DOCK2: variants seen among roughly 807,000 people sequenced by gnomAD.
DOCK2 encodes the protein dedicator of cytokinesis 2.
A neutral mutation model predicts 248.9 loss-of-function variants in DOCK2; 87 were observed. The observed-to-expected ratio is 0.35, with a 90% CI of 0.29 to 0.42. The LOEUF (loss-of-function observed/expected upper bound fraction) is 0.42, where lower values mean the gene tolerates loss of function less well. Ranked by LOEUF, DOCK2 falls within the 10% of genes least tolerant of loss-of-function variation. The pLI is 1.00. For synonymous variants in DOCK2, 805 were observed against 821.6 expected, an observed-to-expected ratio of 0.98 and a Z score of 0.35; for missense variants, 1,747 against 2,300.2, an observed-to-expected ratio of 0.76 and a Z score of 4.92.
In DOCK2 at chr5:169,714,407, C is replaced by G; in HGVS notation, c.1891C>G (p.Gln631Glu). The change falls in exon 19 of 52, where the codon CAG becomes GAG. Residue 631 changes from glutamine to glutamate, a missense_variant. By Grantham distance (29) the Gln-to-Glu change is conservative (BLOSUM62 2). Coordinates refer to ENST00000520908, the MANE Select transcript of DOCK2 (RefSeq NM_004946.3). ...GTGGCGTATGAAGCCTCAACTGCTA[C>G]AGGAGAATTTAGAAAAGTTGAAGAT... ...LKWRMKPQLL[Q>E]ENLEKLKIVD... The G allele has an allele frequency of 1.2e-6, 2 of 1,614,048 alleles. No homozygotes were observed. Among genetic ancestry groups the G allele is most frequent in the Non-Finnish European group, 1.7e-6 (2 of 1,179,974 alleles).
chr5:169,810,370 G>A (rs77670816), intron 26 of DOCK2, among the ~76,000 whole-genome samples: 2,430 of 152,202 alleles, frequency 0.016, 72 homozygotes, highest in African/African-American at 0.054. Context: ...GTGTATATGC[G>A]TGTGCATTTT....
intron 27 of DOCK2, among the ~76,000 whole-genome samples, chr5:169,889,340 G>A (rs926897728): frequency 2.0e-5 from 3 of 151,966 alleles, no homozygotes; most frequent in Admixed American, 6.6e-5. Context: ...GCTTTAATTT[G>A]GTTAAACTTT....
chr5:169,955,991 C>T (rs1181788829), intron 27 of DOCK2, among the ~76,000 whole-genome samples: 1 of 150,874 alleles, frequency 6.6e-6, no homozygotes, highest in Non-Finnish European at 1.5e-5. Context: ...GGGTGTGGCT[C>T]TGGAGCTCAG....
chr5:169,809,632 T>C (rs757626373), intron 26 of DOCK2, among the ~76,000 whole-genome samples: 1 of 152,122 alleles, frequency 6.6e-6, no homozygotes, highest in African/African-American at 2.4e-5. Flanking sequence ...CTCAGGGAGC[T>C]TCCCTGAGCC....
At chr5:169,753,281 G>A (rs1764000098) in intron 23 of DOCK2, among the ~76,000 whole-genome samples, 1 of 152,012 alleles carries the variant, frequency 6.6e-6, no homozygotes, top group African/African-American at 2.4e-5. Context: ...GTGGTTTGCT[G>A]CACCTATCAA....
chr5:169,888,969 G>A (rs1174648742), intron 27 of DOCK2, among the ~76,000 whole-genome samples: 1 of 152,142 alleles, frequency 6.6e-6, no homozygotes, highest in Non-Finnish European at 1.5e-5. Flanking sequence ...TGTGTCTTTA[G>A]CATTGTGCTT....
rs79550508 is a variant in DOCK2, at chr5:169,948,391, C to T, written c.2800-34677C>T. Among the ~76,000 whole-genome samples the T allele has an allele frequency of 9.6e-4, 146 of 152,086 alleles. 4 individuals are homozygous for T. The East Asian group carries it at 0.026, about 27-fold the overall frequency. On this transcript the variant is annotated intron_variant, in intron 27 of 51. Transcript: ENST00000520908. ...GGTAGGGGGAGAATGATTATTTGCA[C>T]CTTTCTCTGTTTTTTCATACCCATT... is the stretch of plus-strand genomic sequence containing the variant.
rs767627447 is a variant in DOCK2, at chr5:169,674,328, A to G, written c.353A>G (p.Gln118Arg). 1.1e-5 allele frequency: 18 copies of G among 1,614,020 alleles called. No homozygotes were observed. In the South Asian group the frequency reaches 1.6e-4, roughly 15 times the overall value. ...ASKKERFLQV[Q>R]SMMYDLMEWR... ...AAAAAGGAGCGTTTTCTCCAGGTGCAGTCCATGATGTACGATCTGATGGAG... is the reference window on the plus strand; with the variant it reads ...AAAAAGGAGCGTTTTCTCCAGGTGCGGTCCATGATGTACGATCTGATGGAG... Residue 118 changes from glutamine to arginine, a missense_variant, in exon 6 of 52, where the codon CAG becomes CGG. Coordinates refer to ENST00000520908, the MANE Select transcript of DOCK2 (RefSeq NM_004946.3).
chr5:170,040,837 A>G (rs1756490614), intron 36 of DOCK2: 9 of 488,870 alleles, frequency 1.8e-5, no homozygotes, highest in Admixed American at 3.3e-5. Context: ...AAGTAATCTA[A>G]GAAATTTAAA....
chr5:169,992,000 A>G (rs1778221137), intron 29 of DOCK2, among the ~76,000 whole-genome samples: 1 of 152,228 alleles, frequency 6.6e-6, no homozygotes, highest in African/African-American at 2.4e-5. Context: ...CATTATTAAT[A>G]AAGTGAGCTC....
At chr5:169,921,853 C>T (rs1017432671) in intron 27 of DOCK2, among the ~76,000 whole-genome samples, 3 of 152,152 alleles carry the variant, frequency 2.0e-5, no homozygotes, top group Non-Finnish European at 2.9e-5. Context: ...TGCACAAATA[C>T]AATATTTTAC....
intron 27 of DOCK2, among the ~76,000 whole-genome samples, chr5:169,936,516 A>G (rs1213203019): frequency 6.7e-6 from 1 of 150,340 alleles, no homozygotes; most frequent in East Asian, 2.0e-4. Flanking sequence ...AAACACATCT[A>G]TTCTATCCTG....
chr5:170,080,545 C>A (rs1348197186), intron 50 of DOCK2: 3 of 461,882 alleles, frequency 6.5e-6, no homozygotes, highest in Non-Finnish European at 1.2e-5. Flanking sequence ...ACTGAGCATC[C>A]ATTTGTCACA....
intron 27 of DOCK2, among the ~76,000 whole-genome samples, chr5:169,869,838 C>G (rs1202326042): frequency 6.6e-6 from 1 of 152,226 alleles, no homozygotes; most frequent in Non-Finnish European, 1.5e-5. Flanking sequence ...TTCACTGCTT[C>G]CACCTACTCT....
chr5:169,864,206 G>T (rs1043211937), intron 27 of DOCK2: 4 of 1,365,736 alleles, frequency 2.9e-6, no homozygotes, highest in Admixed American at 2.0e-5. Context: ...CAGGCCTTAA[G>T]TGCAGTGGAT....
chr5:170,001,195 C>T (rs1290016523), intron 30 of DOCK2, among the ~76,000 whole-genome samples: 2 of 152,194 alleles, frequency 1.3e-5, no homozygotes, highest in Non-Finnish European at 2.9e-5. Context: ...ACAGCTGTGC[C>T]TCTGCCCTGC....
At position 169,864,238 on chromosome 5, in the gene DOCK2, T is replaced by A. The variant is rs776476137; in HGVS notation, c.2799+23386T>A. The A allele has an allele frequency of 6.6e-6, 10 of 1,523,812 alleles. No individual in the cohort carries two copies. The South Asian group carries it at 9.6e-5, about 15-fold the overall frequency. The allele number at this position is 1,523,812 out of a possible 1,614,324, so 94.4% of individuals were successfully genotyped here. A position where few individuals can be genotyped will look rare whatever the true frequency, so the allele number is the denominator to read the frequency against. The stretch of plus-strand genomic sequence containing the variant: ...GGATTTCCCATCTCAGGGAAGTGCG[T>A]GGAGTTGGGGGGCTGGGGGATGGTC... On this transcript the variant is annotated intron_variant, in intron 27 of 51. Coordinates refer to ENST00000520908, the MANE Select transcript of DOCK2 (RefSeq NM_004946.3).
intron 25 of DOCK2, among the ~76,000 whole-genome samples, chr5:169,783,497 A>G (rs528667257): frequency 1.3e-5 from 2 of 152,306 alleles, no homozygotes; most frequent in South Asian, 4.1e-4. Flanking sequence ...AATGCTCAAC[A>G]CAGTCCCTGA....
chr5:170,078,777 C>A (rs992256429), intron 48 of DOCK2, among the ~76,000 whole-genome samples, 198 bp from the exon 49 acceptor site: 5 of 152,210 alleles, frequency 3.3e-5, no homozygotes, highest in Non-Finnish European at 5.9e-5. Flanking sequence ...ATAAAGTGAA[C>A]TTTACTCATC....
Sources: allele counts gnomAD v4.1 joint callset (sites outside exome capture counted in the v4.1 genomes callset), GRCh38; gene constraint gnomAD v4.1.1; transcripts MANE v1.5; gene names NCBI Gene and HGNC (gene_info 2026-07-23, HGNC 2026-07-21).